CNOT6L: variants seen among roughly 807,000 people sequenced by gnomAD.
CNOT6L encodes the protein CCR4-NOT transcription complex subunit 6 like.
In CNOT6L, 7 loss-of-function variants were observed where a neutral mutation model predicts 64.0. The ratio of observed to expected loss-of-function variants is 0.11; its 90% confidence interval spans 0.06 to 0.21. The LOEUF (loss-of-function observed/expected upper bound fraction) is 0.21, where lower values mean the gene tolerates loss of function less well. Ranked by LOEUF, CNOT6L falls within the 10% of genes least tolerant of loss-of-function variation. The probability of loss-of-function intolerance (pLI) is 1.00; values close to 1 mark genes in which losing one functional copy is unlikely to be tolerated. For synonymous variants in CNOT6L, 193 were observed against 243.4 expected (o/e 0.79, Z 1.93); for missense variants, 245 against 669.0 (o/e 0.37, Z 6.99).
At chr4:77,732,924 A>T (rs1722600486) in intron 8 of CNOT6L, among the ~76,000 whole-genome samples, 1 of 152,086 alleles carries the variant, frequency 6.6e-6, no homozygotes, top group African/African-American at 2.4e-5. Flanking sequence ...TAAAGAACTG[A>T]TAACTGGGAA....
intron 1 of CNOT6L, among the ~76,000 whole-genome samples, chr4:77,801,575 T>C (rs1203677104): frequency 6.6e-6 from 1 of 151,088 alleles, no homozygotes; most frequent in Admixed American, 6.6e-5. Flanking sequence ...TATAATTTTC[T>C]GAAAACAAAT....
intron 8 of CNOT6L, among the ~76,000 whole-genome samples, chr4:77,738,244 TC>T: frequency 6.6e-6 from 1 of 152,316 alleles, no homozygotes; most frequent in Middle Eastern, 3.4e-3. Context: ...ATTGCTGTTT[TC>T]ATCTTTCCCT....
chr4:77,774,070 A>G (rs2110060901), intron 3 of CNOT6L, among the ~76,000 whole-genome samples: 1 of 152,318 alleles, frequency 6.6e-6, no homozygotes, highest in Non-Finnish European at 1.5e-5. Context: ...TTTTTTTAGA[A>G]TTTCTTTAGG....
intron 6 of CNOT6L, 65 bp from the exon 7 acceptor site, chr4:77,744,940 T>C: frequency 7.3e-7 from 1 of 1,375,390 alleles, no homozygotes; most frequent in African/African-American, 1.4e-5. Context: ...TCTAAAGCAA[T>C]ATCATGTGTA....
chr4:77,804,537 T>A (rs928269394), intron 1 of CNOT6L, among the ~76,000 whole-genome samples: 1 of 151,892 alleles, frequency 6.6e-6, no homozygotes, highest in Non-Finnish European at 1.5e-5. Context: ...ATGATTCTAC[T>A]TATATTAAAT....
intron 1 of CNOT6L, among the ~76,000 whole-genome samples, chr4:77,778,542 G>GTTA (rs1400511702): frequency 6.6e-6 from 1 of 151,990 alleles, no homozygotes; most frequent in Non-Finnish European, 1.5e-5. Flanking sequence ...AGTAGCTGAG[G>GTTA]TTACGGGCGC....
chr4:77,738,807 T>C (rs923141202), intron 8 of CNOT6L, among the ~76,000 whole-genome samples: 1 of 151,354 alleles, frequency 6.6e-6, no homozygotes, highest in Admixed American at 6.6e-5. Context: ...ATACATTATA[T>C]ACATATAAGA....
chr4:77,799,151 G>A (rs1731207228), intron 1 of CNOT6L, among the ~76,000 whole-genome samples: 1 of 152,174 alleles, frequency 6.6e-6, no homozygotes, highest in Admixed American at 6.5e-5. Flanking sequence ...GAACAGGCCA[G>A]GCACAGTGGC....
intron 1 of CNOT6L, among the ~76,000 whole-genome samples, chr4:77,779,396 T>A (rs1438451993): frequency 6.6e-6 from 1 of 152,188 alleles, no homozygotes; most frequent in Non-Finnish European, 1.5e-5. Context: ...CAGATATTTT[T>A]AAAATCTAAA....
intron 1 of CNOT6L, among the ~76,000 whole-genome samples, chr4:77,792,814 C>T (rs182008503): frequency 1.3e-5 from 2 of 151,048 alleles, no homozygotes; most frequent in East Asian, 3.9e-4. Flanking sequence ...TAACAAATCA[C>T]AGTTTTCTAT....
chr4:77,716,665 T>G lies in CNOT6L; in HGVS notation c.*3766A>C, dbSNP rs1046035633. 6 of 152,550 alleles carry G rather than the reference T, an allele frequency of 3.9e-5. No individual in the cohort carries two copies. Among genetic ancestry groups the G allele is most frequent in the Non-Finnish European group, 7.4e-5 (5 of 68,022 alleles). 9.4% of individuals were successfully genotyped at this position (152,550 alleles called of 1,614,324 possible). On this transcript the variant is annotated 3_prime_UTR_variant, in exon 12 of 12. Coordinates refer to ENST00000504123, the MANE Select transcript of CNOT6L (RefSeq NM_144571.3). ...TAATCTACCATAGAATCAAGTGATA[T>G]GAGCCTTAGATATCTTTCAACTTTC...
At chr4:77,800,732 C>T (rs1023431503) in intron 1 of CNOT6L, among the ~76,000 whole-genome samples, 1 of 152,094 alleles carries the variant, frequency 6.6e-6, no homozygotes, top group African/African-American at 2.4e-5. Context: ...CTGAAATCTA[C>T]AAGTCTCCAT....
chr4:77,798,289 C>A (rs1470772104), intron 1 of CNOT6L, among the ~76,000 whole-genome samples: 1 of 152,088 alleles, frequency 6.6e-6, no homozygotes, highest in African/African-American at 2.4e-5. Context: ...GCCTTGACAA[C>A]AGATTGAGAT....
At chr4:77,765,016 G>C (rs1348646701) in intron 4 of CNOT6L, among the ~76,000 whole-genome samples, 1 of 152,132 alleles carries the variant, frequency 6.6e-6, no homozygotes, top group Non-Finnish European at 1.5e-5. Flanking sequence ...CTAAGTCACA[G>C]GATGAGACAG....
At chr4:77,794,009 G>A (rs1186741844) in intron 1 of CNOT6L, among the ~76,000 whole-genome samples, 6 of 151,368 alleles carry the variant, frequency 4.0e-5, no homozygotes, top group Admixed American at 2.6e-4. Flanking sequence ...AAAATTAGCC[G>A]GGCATGGTAG....
intron 1 of CNOT6L, among the ~76,000 whole-genome samples, chr4:77,801,120 G>A (rs1397314144): frequency 6.6e-6 from 1 of 152,132 alleles, no homozygotes; most frequent in East Asian, 1.9e-4. Flanking sequence ...AACTTACAAT[G>A]GCTTTGAGTC....
chr4:77,753,516 T>A (rs1453416354), intron 5 of CNOT6L, among the ~76,000 whole-genome samples: 1 of 151,552 alleles, frequency 6.6e-6, no homozygotes, highest in Non-Finnish European at 1.5e-5. Flanking sequence ...ACTAAAAACA[T>A]AAAAATTAGC....
At chr4:77,796,024 T>G (rs1730797646) in intron 1 of CNOT6L, among the ~76,000 whole-genome samples, 1 of 152,138 alleles carries the variant, frequency 6.6e-6, no homozygotes, top group South Asian at 2.1e-4. Flanking sequence ...TTATTTTAGA[T>G]TCAGGGAGTA....
At chr4:77,735,189 T>A (rs1259204824) in intron 8 of CNOT6L, among the ~76,000 whole-genome samples, 1 of 152,176 alleles carries the variant, frequency 6.6e-6, no homozygotes, top group Non-Finnish European at 1.5e-5. Context: ...AAGCTCCCTG[T>A]TGAGTCACCT....
Sources: allele counts gnomAD v4.1 joint callset (sites outside exome capture counted in the v4.1 genomes callset), GRCh38; gene constraint gnomAD v4.1.1; transcripts MANE v1.5; gene names NCBI Gene and HGNC (gene_info 2026-07-23, HGNC 2026-07-21).